PPP2R1B: variants seen among roughly 807,000 people sequenced by gnomAD.
PPP2R1B encodes protein phosphatase 2 scaffold subunit Abeta.
Under a neutral mutation model 72.7 loss-of-function variants are expected in PPP2R1B, and 58 were observed. That is an observed-to-expected ratio of 0.80 (90% confidence interval 0.65 to 0.99). PPP2R1B has a LOEUF of 0.99. Among genes scored for constraint, PPP2R1B ranks in the 50% least tolerant of loss-of-function variants. PPP2R1B has a pLI of 0.00. For synonymous variants in PPP2R1B, 256 were observed against 264.6 expected, an observed-to-expected ratio of 0.97 and a Z score of 0.32; for missense variants, 695 against 733.6, an observed-to-expected ratio of 0.95 and a Z score of 0.61.
the PPP2R1B span, among the ~76,000 whole-genome samples, chr11:111,711,697 C>A: frequency 1.3e-5 from 2 of 152,184 alleles, no homozygotes; most frequent in East Asian, 1.9e-4. Context: ...TACACCCTTA[C>A]CAATAAATAT....
Position 111,739,414 on chromosome 11 carries a change from T to A in PPP2R1B, c.*2182A>T. The stretch of plus-strand genomic sequence containing the variant: ...AAGTTATGAGCCAAAGCACAATTCC[T>A]CTGAAGAGTACCAAAACAAATTCTC... On this transcript the variant is annotated 3_prime_UTR_variant, in exon 15 of 15. Transcript: ENST00000527614. The A allele has an allele frequency of 1.0e-6, 1 of 985,176 alleles. No homozygotes were observed. The highest frequency in any genetic ancestry group is 1.2e-6 in the Non-Finnish European group (1 of 829,882). The allele number at this position is 985,176 out of a possible 1,614,324, so 61.0% of individuals were successfully genotyped here. A position where few individuals can be genotyped will look rare whatever the true frequency, so the allele number is the denominator to read the frequency against.
downstream of PPP2R1B, chr11:111,723,934 C>T (rs1943885870): frequency 1.9e-6 from 3 of 1,613,938 alleles, no homozygotes; most frequent in Non-Finnish European, 2.5e-6. Context: ...CAGACTATCC[C>T]ACTCCCTGTC....
chr11:111,701,680 A>G, the PPP2R1B span: 3 of 1,409,848 alleles, frequency 2.1e-6, no homozygotes, highest in Admixed American at 6.2e-5. This position sits in a 1 kb window ranked among gnomAD's most constrained non-coding sequence, Gnocchi z 4.2. Flanking sequence ...GTGCCAAATA[A>G]AGTGACTGAG....
rs906403401 is a variant in PPP2R1B at position 111,738,273 on chromosome 11, A to G, written c.*3323T>C. On this transcript the variant is annotated 3_prime_UTR_variant, in exon 15 of 15. Transcript: ENST00000527614. Reference sequence around the variant, plus strand: ...GTGGAGAAAAATAAGAAGCTTTACGATAAGAGTGTCACCATTTTTAAAAGT... The same window carrying G: ...GTGGAGAAAAATAAGAAGCTTTACGGTAAGAGTGTCACCATTTTTAAAAGT... 3.2e-5 allele frequency: 32 copies of G among 985,384 alleles called. No individual in the cohort carries two copies. Among genetic ancestry groups the G allele is most frequent in the Non-Finnish European group, 3.6e-5 (30 of 829,990 alleles). The allele number at this position is 985,384 out of a possible 1,614,324, so 61.0% of individuals were successfully genotyped here.
At position 111,748,024 on chromosome 11, in the gene PPP2R1B, C is replaced by A. The variant is rs1555046799; in HGVS notation, c.1339-10G>T. 1 of 1,610,032 alleles carries A rather than the reference C, an allele frequency of 6.2e-7. No homozygotes were observed. Among genetic ancestry groups the A allele is most frequent in the Admixed American group, 1.7e-5 (1 of 59,880 alleles). On this transcript the variant is annotated splice_polypyrimidine_tract_variant and intron_variant, in intron 10 of 14. Transcript: ENST00000527614. ...CAAAGAATTCCACACCCTACAGATA[C>A]AGAAGATTCCATTAACATACATTGC...
At chr11:111,689,057 A>G in the PPP2R1B span, among the ~76,000 whole-genome samples, 1 of 152,224 alleles carries the variant, frequency 6.6e-6, no homozygotes, top group African/African-American at 2.4e-5. Context: ...GAAGTTAGAG[A>G]AGCTTGTCAG....
At position 111,766,317 on chromosome 11, in the gene PPP2R1B, A is replaced by AC. The variant is rs1591720676; in HGVS notation, c.44dup (p.Gly16TrpfsTer5). ...GGTATAGCGAATCATCTCCATCTCCACCCGCTGCTCCTGGGCCGGTCCCGA... is the reference window on the plus strand; with the variant it reads ...GGTATAGCGAATCATCTCCATCTCCACCCCGCTGCTCCTGGGCCGGTCCCGA... On this transcript the variant is annotated frameshift_variant, in exon 1 of 15. Coordinates refer to ENST00000527614, the MANE Select transcript of PPP2R1B (RefSeq NM_002716.5). LOFTEE classifies it high-confidence loss of function. 1 of 1,547,290 alleles carries AC rather than the reference A, an allele frequency of 6.5e-7. No individual in the cohort carries two copies. The highest frequency in any genetic ancestry group is 8.7e-7 in the Non-Finnish European group (1 of 1,152,784).
intron 5 of PPP2R1B, 140 bp from the exon 6 acceptor site, chr11:111,755,590 CT>C (rs1167247279): frequency 0.11 from 51,058 of 446,572 alleles, no homozygotes; most frequent in South Asian, 0.15. Context: ...ACATCTTTTT[CT>C]TTTTTTTTTT....
chr11:111,735,778 C>G (rs549258726), downstream of PPP2R1B, among the ~76,000 whole-genome samples: 97 of 152,136 alleles, frequency 6.4e-4, no homozygotes, highest in Non-Finnish European at 1.1e-3. Flanking sequence ...TCACGCTCAC[C>G]CCATTCGGAC....
the PPP2R1B span, among the ~76,000 whole-genome samples, chr11:111,694,214 A>G: frequency 6.6e-6 from 1 of 152,356 alleles, no homozygotes; most frequent in African/African-American, 2.4e-5. Flanking sequence ...TAATAGCCAT[A>G]TAACCCTCTC....
At chr11:111,718,823 G>T in the PPP2R1B span, 1 of 152,322 alleles carries the variant, frequency 6.6e-6, no homozygotes, top group East Asian at 1.9e-4. Context: ...CTATTCATAG[G>T]AGAAAATGGA....
chr11:111,748,003 G>C lies in PPP2R1B; in HGVS notation c.1350C>G (p.Phe450Leu), dbSNP rs939447009. The part of the protein sequence containing the change: ...PLLAGQLGVE[F>L]FDEKLNSLCM... ...ATAAAGAATTCAGCTTTTCATCAAA[G>C]AATTCCACACCCTACAGATACAGAA... Residue 450 changes from phenylalanine to leucine, a missense_variant, in exon 11 of 15, where the codon TTC (phenylalanine) becomes TTG (leucine). Coordinates refer to ENST00000527614, the MANE Select transcript of PPP2R1B (RefSeq NM_002716.5). 6.2e-7 allele frequency: 1 copy of C among 1,612,984 alleles called. No homozygotes were observed. The highest frequency in any genetic ancestry group is 1.3e-5 in the African/African-American group (1 of 75,014).
chr11:111,732,916 A>C (rs1944237446), downstream of PPP2R1B, among the ~76,000 whole-genome samples: 1 of 152,188 alleles, frequency 6.6e-6, no homozygotes, highest in African/African-American at 2.4e-5. Flanking sequence ...TTCTCATTTC[A>C]GCCCCACCAG....
At chr11:111,703,261 A>C in the PPP2R1B span, 1 of 1,614,184 alleles carries the variant, frequency 6.2e-7, no homozygotes, top group South Asian at 1.1e-5. Context: ...GGCTAACCAT[A>C]GCCCAAATCA....
At chr11:111,702,860 A>T in the PPP2R1B span, among the ~76,000 whole-genome samples, 751 of 152,240 alleles carry the variant, frequency 4.9e-3, 9 homozygotes, top group African/African-American at 0.017. Flanking sequence ...ATGACTGAGG[A>T]TCGATTTATT....
intron 4 of PPP2R1B, among the ~76,000 whole-genome samples, chr11:111,760,305 T>C (rs1375017106): frequency 6.6e-6 from 1 of 151,972 alleles, no homozygotes; most frequent in Admixed American, 6.6e-5. Context: ...ACCTCAGCCT[T>C]CTGAGTAGCT....
chr11:111,745,047 A>ATTTT (rs10579316), intron 11 of PPP2R1B, among the ~76,000 whole-genome samples: 1 of 84,988 alleles, frequency 1.2e-5, no homozygotes, highest in African/African-American at 4.1e-5. Flanking sequence ...TTCTCCTCTA[A>ATTTT]TTTTTTTTTT....
intron 10 of PPP2R1B, among the ~76,000 whole-genome samples, chr11:111,749,750 T>C (rs1944834153): frequency 6.6e-6 from 1 of 152,188 alleles, no homozygotes; most frequent in African/African-American, 2.4e-5. Context: ...GAAGTTAAAA[T>C]TGTAAAGCAA....
intron 3 of PPP2R1B, 53 bp downstream of exon 3, chr11:111,764,752 C>A: frequency 1.3e-6 from 2 of 1,562,046 alleles, no homozygotes; most frequent in South Asian, 1.1e-5. Context: ...AACAATGTAT[C>A]ATTTATACTG....
Sources: allele counts gnomAD v4.1 joint callset (sites outside exome capture counted in the v4.1 genomes callset), GRCh38; gene constraint gnomAD v4.1.1; non-coding constraint Gnocchi (gnomAD v3.1); transcripts MANE v1.5; gene names NCBI Gene and HGNC (gene_info 2026-07-23, HGNC 2026-07-21).